Variants in POU6F2 observed in about 807,000 individuals in gnomAD.
The protein encoded by POU6F2 is POU class 6 homeobox 2, also known as POU domain, class 6, transcription factor 2.
POU6F2 carries 31 observed loss-of-function variants against 71.3 expected under a neutral mutation model. The ratio of observed to expected loss-of-function variants is 0.43; its 90% CI spans 0.33 to 0.59. The LOEUF (loss-of-function observed/expected upper bound fraction) is 0.59. Ranked by LOEUF, POU6F2 falls within the 20% of genes least tolerant of loss-of-function variation. The pLI is 0.04. For synonymous variants in POU6F2, 347 were observed against 355.7 expected (o/e 0.98, Z 0.27); for missense variants, 783 against 856.8 (o/e 0.91, Z 1.07).
intron 2 of POU6F2, chr7:39,120,844 A>G (rs1792026533): frequency 6.6e-6 from 1 of 152,166 alleles, no homozygotes; most frequent in African/African-American, 2.4e-5. Flanking sequence ...CTTGATCCTC[A>G]TTGGAATCTG....
intron 6 of POU6F2, among the ~76,000 whole-genome samples, chr7:39,415,351 T>C (rs912449625): frequency 3.3e-5 from 5 of 152,234 alleles, no homozygotes; most frequent in Non-Finnish European, 5.9e-5. Context: ...CCATGAGTAT[T>C]TCGTTTTCCT....
chr7:38,985,627 G>A (rs956776080), intron 1 of POU6F2, among the ~76,000 whole-genome samples: 11 of 152,144 alleles, frequency 7.2e-5, no homozygotes, highest in Non-Finnish European at 1.3e-4. Context: ...AAGTTTGGCT[G>A]TGATATAAGA....
chr7:39,128,403 A>G (rs1157328514), intron 2 of POU6F2, among the ~76,000 whole-genome samples: 1 of 152,210 alleles, frequency 6.6e-6, no homozygotes, highest in Non-Finnish European at 1.5e-5. Flanking sequence ...TGAATCCTAG[A>G]CATAAATTGC....
chr7:39,089,581 G>A (rs117159927), intron 2 of POU6F2, among the ~76,000 whole-genome samples: 93 of 152,290 alleles, frequency 6.1e-4, no homozygotes, highest in Non-Finnish European at 9.9e-4. Context: ...TATAGTACTC[G>A]TGTCAGTGTG....
Position 38,979,298 on chromosome 7 carries a change from A to G in POU6F2, c.105+1240A>G, listed in dbSNP as rs544976478. 3.3e-5 allele frequency among the ~76,000 whole-genome samples: 5 copies of G among 152,270 alleles called. No individual in the cohort carries two copies. The South Asian group carries it at 1.0e-3, about 32-fold the overall frequency. On this transcript the variant is annotated intron_variant, in intron 1 of 9. Transcript: ENST00000518318. ...ATGTTAATAGCATGGTGGAAAATATATCATCTTATTCTGTTTTCAACAAAA... is the reference window on the plus strand; with the variant it reads ...ATGTTAATAGCATGGTGGAAAATATGTCATCTTATTCTGTTTTCAACAAAA...
intron 5 of POU6F2, among the ~76,000 whole-genome samples, chr7:39,342,586 T>C (rs1224479912): frequency 2.6e-5 from 4 of 152,218 alleles, no homozygotes; most frequent in Non-Finnish European, 2.9e-5. Context: ...GGAAAGCCAG[T>C]CAATTAGGTT....
chr7:39,464,577 G>A lies in POU6F2; in HGVS notation c.2054G>A (p.Cys685Tyr). 1 of 1,611,970 alleles carries A rather than the reference G, an allele frequency of 6.2e-7. No individual in the cohort carries two copies. Among genetic ancestry groups the A allele is most frequent in the Non-Finnish European group, 8.5e-7 (1 of 1,178,996 alleles). ...CGAGAAGTAGTTAGAGTTTGGTTCT[G>A]CAATAAGAGGCAAGCCCTGAAGAAC... ...YDREVVRVWF[C>Y]NKRQALKNTI... The change falls in exon 10 of 10, where the codon TGC becomes TAC. Residue 685 changes from cysteine (C) to tyrosine (Y), a missense_variant. Around this residue, in one of 2 missense-constraint regions of POU6F2, gnomAD observed 211 missense variants for 283.9 expected, o/e 0.74. Transcript: ENST00000518318. This position sits in a 1 kb window ranked among gnomAD's most constrained non-coding sequence, Gnocchi z 4.1.
At chr7:39,228,754 CAA>C (rs944059141) in intron 4 of POU6F2, among the ~76,000 whole-genome samples, 1 of 152,262 alleles carries the variant, frequency 6.6e-6, no homozygotes, top group East Asian at 1.9e-4. Context: ...ATTACAGAAA[CAA>C]GAGATTCAAG....
At chr7:39,192,518 A>G (rs749413296) in intron 2 of POU6F2, among the ~76,000 whole-genome samples, 5 of 152,180 alleles carry the variant, frequency 3.3e-5, no homozygotes, top group Non-Finnish European at 5.9e-5. Context: ...ATTGCCATAA[A>G]TAAGAGAGCA....
At chr7:39,216,204 A>C (rs561511698) in intron 4 of POU6F2, among the ~76,000 whole-genome samples, 1 of 152,354 alleles carries the variant, frequency 6.6e-6, no homozygotes, top group Admixed American at 6.5e-5. Context: ...CGCTGTGTCC[A>C]ACAGTCATTG....
intron 2 of POU6F2, among the ~76,000 whole-genome samples, chr7:39,094,065 A>C (rs1423979179): frequency 6.6e-6 from 1 of 152,142 alleles, no homozygotes; most frequent in Non-Finnish European, 1.5e-5. Flanking sequence ...TTTAAAAAAT[A>C]GTTCCCTGAT....
chr7:39,133,945 G>A (rs1179929363), intron 2 of POU6F2, among the ~76,000 whole-genome samples: 1 of 152,064 alleles, frequency 6.6e-6, no homozygotes, highest in Non-Finnish European at 1.5e-5. Context: ...CATGATCATG[G>A]CTCACTACAG....
At position 39,235,023 on chromosome 7, in the gene POU6F2, C is replaced by T. The variant is rs374244817; in HGVS notation, c.598+27403C>T. On this transcript the variant is annotated intron_variant, in intron 4 of 9. Coordinates refer to ENST00000518318, the MANE Select transcript of POU6F2 (RefSeq NM_001370959.1). ...CCACTTTCAGTTTATGCGTTTGTAG[C>T]GCCTTGTAGATTCTGTCTCTGCTGT... 8.5e-5 allele frequency among the ~76,000 whole-genome samples: 13 copies of T among 152,182 alleles called. No individual in the cohort carries two copies. In the East Asian group the frequency reaches 1.9e-3, roughly 23 times the overall value.
intron 5 of POU6F2, among the ~76,000 whole-genome samples, chr7:39,397,319 A>G (rs902279319): frequency 1.7e-4 from 2 of 11,780 alleles, no homozygotes; most frequent in African/African-American, 6.4e-4. Context: ...TGTAAAGTAT[A>G]TATATTATAT....
chr7:39,412,547 T>C (rs1456483181), intron 6 of POU6F2, among the ~76,000 whole-genome samples: 1 of 152,124 alleles, frequency 6.6e-6, no homozygotes, highest in African/African-American at 2.4e-5. Flanking sequence ...GGAAAAGAAA[T>C]ATGTGTAATT....
At chr7:39,293,382 A>G (rs1203986690) in intron 4 of POU6F2, among the ~76,000 whole-genome samples, 2 of 152,218 alleles carry the variant, frequency 1.3e-5, no homozygotes, top group Non-Finnish European at 2.9e-5. Context: ...TAACAAGATG[A>G]CAGAATTTAT....
At chr7:39,411,840 C>G (rs1476883470) in intron 6 of POU6F2, among the ~76,000 whole-genome samples, 1 of 152,200 alleles carries the variant, frequency 6.6e-6, no homozygotes, top group Non-Finnish European at 1.5e-5. Context: ...TTCAAAAGCT[C>G]TAGGCTGGAG....
At chr7:39,051,751 A>G (rs1162572452) in intron 1 of POU6F2, among the ~76,000 whole-genome samples, 2 of 152,146 alleles carry the variant, frequency 1.3e-5, no homozygotes, top group Non-Finnish European at 2.9e-5. Flanking sequence ...CTCAGAAGCA[A>G]TATGGATCTA....
At chr7:39,251,981 T>C (rs1199754919) in intron 4 of POU6F2, among the ~76,000 whole-genome samples, 1 of 152,168 alleles carries the variant, frequency 6.6e-6, no homozygotes, top group Non-Finnish European at 1.5e-5. Flanking sequence ...GTGGTTCACA[T>C]CAGTGCCTGT....
Sources: allele counts gnomAD v4.1 joint callset (sites outside exome capture counted in the v4.1 genomes callset), GRCh38; gene constraint gnomAD v4.1.1; regional missense constraint gnomAD v4.1.1; non-coding constraint Gnocchi (gnomAD v3.1); transcripts MANE v1.5; gene names NCBI Gene and HGNC (gene_info 2026-07-23, HGNC 2026-07-21).